The following BTBD9 variants were observed in gnomAD, a reference collection of about 807,000 sequenced individuals.
The protein encoded by BTBD9 is BTB domain containing 9, also known as BTB/POZ domain-containing protein 9.
BTBD9 carries 49 observed loss-of-function variants against 64.3 expected under a neutral mutation model. The ratio of observed to expected loss-of-function variants is 0.76; its 90% CI spans 0.61 to 0.97. BTBD9 has a LOEUF of 0.97. Ranked by LOEUF, BTBD9 falls within the 50% of genes least tolerant of loss-of-function variation. BTBD9 has a pLI of 0.00. For synonymous variants in BTBD9, 260 were observed against 274.7 expected, an observed-to-expected ratio of 0.95 and a Z score of 0.53; for missense variants, 598 against 762.1, an observed-to-expected ratio of 0.78 and a Z score of 2.53.
intron 9 of BTBD9, among the ~76,000 whole-genome samples, chr6:38,239,404 C>T (rs1175121273): frequency 1.5e-5 from 2 of 132,032 alleles, no homozygotes; most frequent in Non-Finnish European, 1.5e-5. Flanking sequence ...CGTGCCACTG[C>T]ATTGTAGCCT....
chr6:38,551,224 C>A (rs2127447724), intron 6 of BTBD9, among the ~76,000 whole-genome samples: 1 of 152,308 alleles, frequency 6.6e-6, no homozygotes, highest in Middle Eastern at 3.4e-3. Context: ...TCAATACCTA[C>A]AATACTCAGG....
chr6:38,302,390 C>G (rs1762437233), intron 7 of BTBD9, among the ~76,000 whole-genome samples: 1 of 150,842 alleles, frequency 6.6e-6, no homozygotes, highest in South Asian at 2.1e-4. Context: ...GCCTGGCTTT[C>G]TTATTTCATT....
At chr6:38,275,633 A>G (rs1212720122) in intron 8 of BTBD9, among the ~76,000 whole-genome samples, 3 of 152,030 alleles carry the variant, frequency 2.0e-5, no homozygotes, top group African/African-American at 7.2e-5. Flanking sequence ...ATCTACAATG[A>G]ACTCAAACAA....
At chr6:38,411,151 T>G (rs1453813541) in intron 6 of BTBD9, among the ~76,000 whole-genome samples, 1 of 152,194 alleles carries the variant, frequency 6.6e-6, no homozygotes, top group Non-Finnish European at 1.5e-5. Flanking sequence ...GCCACTACTC[T>G]CTAATTCTAA....
At chr6:38,629,197 C>T (rs947697890) in intron 1 of BTBD9, among the ~76,000 whole-genome samples, 1 of 152,048 alleles carries the variant, frequency 6.6e-6, no homozygotes, top group African/African-American at 2.4e-5. Flanking sequence ...TGGCAACAAT[C>T]ATGACAATAA....
chr6:38,227,832 A>G (rs1763451157), intron 9 of BTBD9, among the ~76,000 whole-genome samples: 1 of 152,200 alleles, frequency 6.6e-6, no homozygotes, highest in Non-Finnish European at 1.5e-5. Context: ...GGCAATGGGC[A>G]CTTCTGGAAT....
chr6:38,632,691 G>C (rs886690809), intron 1 of BTBD9, among the ~76,000 whole-genome samples: 3 of 152,142 alleles, frequency 2.0e-5, no homozygotes, highest in Non-Finnish European at 4.4e-5. Flanking sequence ...CAGTACTCTG[G>C]GAGGCCAAAG....
chr6:38,580,501 AAATAC>A (rs894783611), intron 4 of BTBD9, 64 bp from the exon 5 acceptor site: 1 of 1,388,952 alleles, frequency 7.2e-7, no homozygotes, highest in Non-Finnish European at 1.0e-6. Flanking sequence ...TTTTTGAAAA[AAATAC>A]AATTCTAGCA....
At chr6:38,587,822 G>A in intron 4 of BTBD9, 2 of 716,640 alleles carry the variant, frequency 2.8e-6, no homozygotes. Flanking sequence ...ATGGCAGCAA[G>A]TATGTCAGCT....
intron 1 of BTBD9, chr6:38,613,018 G>C (rs1341783354): frequency 6.6e-6 from 1 of 152,168 alleles, no homozygotes; most frequent in Non-Finnish European, 1.5e-5. Flanking sequence ...ATACAGCAGG[G>C]CCAAATTGAG....
At chr6:38,200,884 G>A (rs572863481) in intron 9 of BTBD9, among the ~76,000 whole-genome samples, 5 of 152,204 alleles carry the variant, frequency 3.3e-5, no homozygotes, top group South Asian at 2.1e-4. Context: ...AAAAAATTAG[G>A]TGGCACATGC....
chr6:38,470,081 A>C (rs1770580503), intron 6 of BTBD9, among the ~76,000 whole-genome samples: 2 of 152,242 alleles, frequency 1.3e-5, no homozygotes, highest in South Asian at 4.1e-4. Flanking sequence ...CAGAGAAAGA[A>C]AAGAGAAGGA....
intron 7 of BTBD9, among the ~76,000 whole-genome samples, chr6:38,303,840 GATATATATATATATATAT>G (rs70981538): frequency 1.5e-4 from 11 of 75,310 alleles, no homozygotes; most frequent in South Asian, 4.0e-4. Flanking sequence ...TTAGTTGCTA[GATATATATATATATATAT>G]ATATATATAT....
rs758414146 is a variant in BTBD9, at chr6:38,192,546, G to A, written c.1614C>T (p.Ile538=). ...FERQPASFIR[I]VGTHNTANEV... ...CATTTGCTGTGTTGTGTGTCCCAAC[G>A]ATACGGATGAAGGAGGCAGGCTGCC... The change falls in exon 10 of 11, where the codon ATC becomes ATT. Residue 538 remains isoleucine, a synonymous_variant. Coordinates refer to ENST00000481247, the MANE Select transcript of BTBD9 (RefSeq NM_001099272.2). 3.5e-5 allele frequency: 56 copies of A among 1,613,796 alleles called. No homozygotes were observed. Among genetic ancestry groups the A allele is most frequent in the Non-Finnish European group, 4.6e-5 (54 of 1,179,938 alleles).
At position 38,375,955 on chromosome 6, in the gene BTBD9, G is replaced by GAAAGAAAA. The variant is rs1554143881; in HGVS notation, c.1155-30863_1155-30862insTTTTCTTT. 1.3e-3 allele frequency among the ~76,000 whole-genome samples: 184 copies of GAAAGAAAA among 143,550 alleles called. 1 individual carries two copies. The highest frequency in any genetic ancestry group is 4.8e-3 in the African/African-American group (176 of 36,984). 94.2% of individuals were successfully genotyped at this position (143,550 alleles called of 152,430 possible). A position where few individuals can be genotyped will look rare whatever the true frequency, so the allele number is the denominator to read the frequency against. On this transcript the variant is annotated intron_variant, in intron 6 of 10. Transcript: ENST00000481247. ...AGAAAGAAAGAAGGAAAGAAGGAAA[G>GAAAGAAAA]AAAGAAAGAAAAAACGTGTAGGCAT...
intron 6 of BTBD9, among the ~76,000 whole-genome samples, chr6:38,521,922 G>A (rs908733466): frequency 5.3e-5 from 8 of 152,070 alleles, no homozygotes; most frequent in African/African-American, 1.9e-4. Flanking sequence ...TGATCCACCC[G>A]CCTCAGCCTC....
chr6:38,447,301 T>C (rs1278092323), intron 6 of BTBD9, among the ~76,000 whole-genome samples: 1 of 152,192 alleles, frequency 6.6e-6, no homozygotes, highest in African/African-American at 2.4e-5. Flanking sequence ...TTCGTTACAA[T>C]TCGGCTGTCA....
At chr6:38,302,485 G>GTATGTGTGTGTGTGTGTGTATATA (rs1384155514) in intron 7 of BTBD9, among the ~76,000 whole-genome samples, 4 of 106,908 alleles carry the variant, frequency 3.7e-5, no homozygotes, top group African/African-American at 1.4e-4. Flanking sequence ...TTGTGTGTAT[G>GTATGTGTGTGTGTGTGTGTATATA]TATATATATA....
intron 10 of BTBD9, among the ~76,000 whole-genome samples, chr6:38,177,640 G>A (rs746594814): frequency 9.9e-5 from 15 of 152,212 alleles, no homozygotes; most frequent in Non-Finnish European, 1.5e-4. Flanking sequence ...GTAAGAGCCT[G>A]GGAAGAGATG....
Sources: allele counts gnomAD v4.1 joint callset (sites outside exome capture counted in the v4.1 genomes callset), GRCh38; gene constraint gnomAD v4.1.1; transcripts MANE v1.5; gene names NCBI Gene and HGNC (gene_info 2026-07-23, HGNC 2026-07-21).